GAREM1: variants seen among roughly 807,000 people sequenced by gnomAD.
GAREM1 encodes the protein GRB2 associated regulator of MAPK1 subtype 1.
Under a neutral mutation model 71.3 loss-of-function variants are expected in GAREM1, and 26 were observed. The ratio of observed to expected loss-of-function variants is 0.36; its 90% CI spans 0.27 to 0.51. The LOEUF (loss-of-function observed/expected upper bound fraction) is 0.51. Among genes scored for constraint, GAREM1 ranks in the 20% least tolerant of loss-of-function variants. GAREM1 has a pLI of 0.95. For synonymous variants in GAREM1, 440 were observed against 433.2 expected (o/e 1.02, Z -0.20); for missense variants, 1,026 against 1,103.1 (o/e 0.93, Z 0.99).
intron 3 of GAREM1, among the ~76,000 whole-genome samples, chr18:32,303,269 A>G (rs192607898): frequency 6.1e-4 from 93 of 152,312 alleles, no homozygotes; most frequent in African/African-American, 1.9e-3. Flanking sequence ...ATTTTAATGT[A>G]GAAAGCTTCT....
intron 2 of GAREM1, among the ~76,000 whole-genome samples, chr18:32,366,936 A>C (rs979376407): frequency 3.3e-5 from 5 of 152,206 alleles, no homozygotes; most frequent in Non-Finnish European, 5.9e-5. Context: ...AGGGTCACAC[A>C]CTTAACAGTG....
intron 2 of GAREM1, among the ~76,000 whole-genome samples, chr18:32,329,649 T>G (rs1340850225): frequency 2.9e-5 from 4 of 137,922 alleles, no homozygotes; most frequent in Non-Finnish European, 6.0e-5. Context: ...GAGGTTACAG[T>G]GAGCCGAGAT....
At chr18:32,283,227 T>C (rs2046972503) in intron 4 of GAREM1, among the ~76,000 whole-genome samples, 1 of 152,156 alleles carries the variant, frequency 6.6e-6, no homozygotes, top group Non-Finnish European at 1.5e-5. Context: ...CCAGAGAGGT[T>C]AGTGTCAGTG....
intron 2 of GAREM1, among the ~76,000 whole-genome samples, chr18:32,370,590 A>C (rs1459929874): frequency 6.6e-6 from 1 of 152,172 alleles, no homozygotes; most frequent in African/African-American, 2.4e-5. Flanking sequence ...TTCCAACATA[A>C]AGTAAACATA....
At chr18:32,344,001 G>A (rs1192034499) in intron 2 of GAREM1, among the ~76,000 whole-genome samples, 2 of 152,050 alleles carry the variant, frequency 1.3e-5, no homozygotes, top group Admixed American at 6.6e-5. Flanking sequence ...GTCATTCCTC[G>A]CTTTGTTTTT....
chr18:32,295,153 C>A (rs760232468), intron 3 of GAREM1, among the ~76,000 whole-genome samples: 1 of 152,034 alleles, frequency 6.6e-6, no homozygotes, highest in Non-Finnish European at 1.5e-5. Context: ...CAACCTCTGC[C>A]TCCCGGGTTC....
chr18:32,428,935 T>C (rs2048599165), intron 1 of GAREM1, among the ~76,000 whole-genome samples: 1 of 150,686 alleles, frequency 6.6e-6, no homozygotes, highest in African/African-American at 2.4e-5. Flanking sequence ...TAGTTCAAGT[T>C]TTTTTTTTTG....
intron 2 of GAREM1, among the ~76,000 whole-genome samples, chr18:32,382,722 T>A (rs2048109043): frequency 1.3e-5 from 2 of 152,118 alleles, no homozygotes; most frequent in Non-Finnish European, 2.9e-5. Flanking sequence ...CCTTGCTCTT[T>A]AGAGCAAGGG....
chr18:32,435,901 C>T (rs2048672314), intron 1 of GAREM1, among the ~76,000 whole-genome samples: 1 of 152,114 alleles, frequency 6.6e-6, no homozygotes, highest in Admixed American at 6.6e-5. Flanking sequence ...AAGGTTATTA[C>T]TAGCCCTGCT....
At chr18:32,332,635 C>T (rs2047548916) in intron 2 of GAREM1, among the ~76,000 whole-genome samples, 1 of 152,102 alleles carries the variant, frequency 6.6e-6, no homozygotes, top group South Asian at 2.1e-4. Flanking sequence ...GTAGCTGAGT[C>T]CCACTCTCCT....
intron 1 of GAREM1, among the ~76,000 whole-genome samples, chr18:32,407,748 T>C (rs1189505739): frequency 6.6e-6 from 1 of 152,100 alleles, no homozygotes; most frequent in Non-Finnish European, 1.5e-5. Flanking sequence ...AGGACTGGAA[T>C]TGAGGCCAAG....
intron 2 of GAREM1, among the ~76,000 whole-genome samples, chr18:32,386,142 T>C (rs1010110006): frequency 5.3e-5 from 8 of 152,206 alleles, no homozygotes; most frequent in African/African-American, 1.9e-4. Context: ...ATAAGCTTTA[T>C]CCCATATAAC....
At chr18:32,347,946 G>C (rs1317563897) in intron 2 of GAREM1, among the ~76,000 whole-genome samples, 1 of 152,174 alleles carries the variant, frequency 6.6e-6, no homozygotes, top group Non-Finnish European at 1.5e-5. Context: ...AAATGGGAAT[G>C]AAACACTGGT....
chr18:32,303,444 C>G (rs1007720194), intron 3 of GAREM1, among the ~76,000 whole-genome samples: 2 of 152,108 alleles, frequency 1.3e-5, no homozygotes, highest in African/African-American at 2.4e-5. Flanking sequence ...GGAAAATTTT[C>G]TCATCTTTAT....
intron 2 of GAREM1, among the ~76,000 whole-genome samples, chr18:32,314,074 C>T (rs76558973): frequency 3.4e-4 from 51 of 149,400 alleles, no homozygotes; most frequent in African/African-American, 1.3e-3. Flanking sequence ...ACAGTACATA[C>T]TTTTTGACAA....
At chr18:32,324,657 T>C (rs1158203798) in intron 2 of GAREM1, among the ~76,000 whole-genome samples, 4 of 152,174 alleles carry the variant, frequency 2.6e-5, no homozygotes, top group Non-Finnish European at 4.4e-5. Context: ...GACTTGGATA[T>C]GGGAAAGTTA....
At chr18:32,410,794 C>G (rs1184543516) in intron 1 of GAREM1, among the ~76,000 whole-genome samples, 2 of 152,106 alleles carry the variant, frequency 1.3e-5, no homozygotes, top group South Asian at 2.1e-4. Context: ...ACAAATACGA[C>G]TTCGGTTTTT....
chr18:32,363,987 C>CATATATATAT (rs1483479851), intron 2 of GAREM1, among the ~76,000 whole-genome samples: 2 of 27,090 alleles, frequency 7.4e-5, no homozygotes, highest in Admixed American at 7.4e-4. Flanking sequence ...TACATAAATA[C>CATATATATAT]ATATATACAT....
chr18:32,470,565 G>C lies in GAREM1; in HGVS notation c.-137C>G, dbSNP rs893279031. 1.5e-4 allele frequency: 77 copies of C among 530,620 alleles called. No homozygotes were observed. Among genetic ancestry groups the C allele is most frequent in the Non-Finnish European group, 1.8e-4 (73 of 417,078 alleles). 32.9% of individuals were successfully genotyped at this position (530,620 alleles called of 1,614,324 possible). On this transcript the variant is annotated 5_prime_UTR_variant, in exon 1 of 6. Transcript: ENST00000269209. The surrounding 1 kb of genome is among the most constrained non-coding windows in gnomAD (Gnocchi z 4.4). The stretch of plus-strand genomic sequence containing the variant: ...GGCAGCTCCGGCCGCGGGCAGCCGG[G>C]GGGGCGCGGCGACTGGGGCGGCCCG...
Sources: allele counts gnomAD v4.1 joint callset (sites outside exome capture counted in the v4.1 genomes callset), GRCh38; gene constraint gnomAD v4.1.1; non-coding constraint Gnocchi (gnomAD v3.1); transcripts MANE v1.5; gene names NCBI Gene and HGNC (gene_info 2026-07-23, HGNC 2026-07-21).